The following CYRIB variants were observed in gnomAD, a reference collection of about 807,000 sequenced individuals.
The protein encoded by CYRIB is CYFIP related Rac1 interactor B.
In CYRIB, 8 loss-of-function variants were observed where a neutral mutation model predicts 44.2. The observed-to-expected ratio is 0.18, with a 90% CI of 0.11 to 0.33. The LOEUF (loss-of-function observed/expected upper bound fraction) is 0.33, where lower values mean the gene tolerates loss of function less well. Among genes scored for constraint, CYRIB ranks in the 10% least tolerant of loss-of-function variants. The probability of loss-of-function intolerance (pLI) is 1.00; values close to 1 mark genes in which losing one functional copy is unlikely to be tolerated. For synonymous variants in CYRIB, 131 were observed against 127.2 expected, an observed-to-expected ratio of 1.03 and a Z score of -0.20; for missense variants, 185 against 382.8, an observed-to-expected ratio of 0.48 and a Z score of 4.31.
At chr8:129,917,280 A>G (rs2081234390) in intron 1 of CYRIB, among the ~76,000 whole-genome samples, 1 of 152,192 alleles carries the variant, frequency 6.6e-6, no homozygotes, top group Non-Finnish European at 1.5e-5. Flanking sequence ...TAAGACCTGA[A>G]AAACCTGACC....
intron 7 of CYRIB, among the ~76,000 whole-genome samples, chr8:129,853,223 T>C (rs971591354): frequency 6.6e-6 from 1 of 152,148 alleles, no homozygotes; most frequent in African/African-American, 2.4e-5. Context: ...ATGGCAAGGA[T>C]GGGTATAGTA....
chr8:130,012,725 C>T (rs1473880450), intron 1 of CYRIB, among the ~76,000 whole-genome samples: 1 of 152,086 alleles, frequency 6.6e-6, no homozygotes, highest in East Asian at 1.9e-4. Flanking sequence ...GGCTGTAGGG[C>T]CCCAAAACCT....
intron 1 of CYRIB, among the ~76,000 whole-genome samples, chr8:129,933,149 A>G (rs945017271): frequency 9.9e-5 from 15 of 152,218 alleles, no homozygotes; most frequent in African/African-American, 3.1e-4. Context: ...AGCTTCAAGT[A>G]GACCAGAAAC....
At chr8:129,981,972 G>A (rs550193215) in intron 1 of CYRIB, among the ~76,000 whole-genome samples, 3 of 152,334 alleles carry the variant, frequency 2.0e-5, no homozygotes, top group Non-Finnish European at 2.9e-5. Context: ...AGAGTAACTC[G>A]AGTGGGCATT....
chr8:129,872,599 A>G (rs971227110), intron 3 of CYRIB, among the ~76,000 whole-genome samples: 7 of 152,100 alleles, frequency 4.6e-5, no homozygotes, highest in Non-Finnish European at 7.4e-5. Flanking sequence ...GGTAAGGCAT[A>G]AAGCACTTAA....
chr8:129,973,063 A>AT lies in CYRIB; in HGVS notation c.-295-2069dup, dbSNP rs559553852. 2.0e-3 allele frequency among the ~76,000 whole-genome samples: 299 copies of AT among 152,236 alleles called. 2 individuals are homozygous for AT. The highest frequency in any genetic ancestry group is 6.7e-3 in the African/African-American group (280 of 41,530). ...ACTGATCACCTATTGTGTGCCAAGC[A>AT]TTGTGGCCATGGAAATAATTCCATG... On this transcript the variant is annotated intron_variant, in intron 1 of 14. Transcript: ENST00000401979.
intron 1 of CYRIB, among the ~76,000 whole-genome samples, chr8:129,987,953 A>G (rs1458800541): frequency 6.6e-6 from 1 of 152,080 alleles, no homozygotes; most frequent in East Asian, 1.9e-4. Context: ...ACACCTTACA[A>G]AGCCACCATC....
chr8:129,902,806 T>C (rs1294128569), intron 2 of CYRIB, among the ~76,000 whole-genome samples: 3 of 152,208 alleles, frequency 2.0e-5, no homozygotes, highest in South Asian at 2.1e-4. Flanking sequence ...GGATTACAAA[T>C]GTTTCAGTAC....
chr8:129,861,228 T>G (rs2049297223), intron 5 of CYRIB, among the ~76,000 whole-genome samples: 1 of 152,154 alleles, frequency 6.6e-6, no homozygotes, highest in Non-Finnish European at 1.5e-5. Context: ...ATTTACAACT[T>G]TAAAATCAAA....
At chr8:129,971,359 C>A (rs914435156) in intron 1 of CYRIB, among the ~76,000 whole-genome samples, 96 of 152,282 alleles carry the variant, frequency 6.3e-4, no homozygotes, top group African/African-American at 1.9e-3. Context: ...TCCCAAAGTG[C>A]TGAATTACAG....
chr8:130,009,803 G>A (rs752891127), intron 1 of CYRIB, among the ~76,000 whole-genome samples: 5 of 152,192 alleles, frequency 3.3e-5, no homozygotes, highest in African/African-American at 4.8e-5. Context: ...CTTCATCAAT[G>A]ACAATTCTGG....
At chr8:129,913,737 G>A (rs2079263071) in intron 1 of CYRIB, among the ~76,000 whole-genome samples, 1 of 152,088 alleles carries the variant, frequency 6.6e-6, no homozygotes, top group African/African-American at 2.4e-5. Context: ...TCTCTCTCTA[G>A]TGGGGATAAT....
chr8:129,877,148 A>T (rs1336334803), intron 3 of CYRIB, among the ~76,000 whole-genome samples: 2 of 152,240 alleles, frequency 1.3e-5, no homozygotes, highest in African/African-American at 4.8e-5. Context: ...AATAAGAAAT[A>T]ACAATGGGTA....
intron 1 of CYRIB, among the ~76,000 whole-genome samples, chr8:130,003,252 C>G (rs1339880212): frequency 6.6e-6 from 1 of 152,192 alleles, no homozygotes. Context: ...AGCTAAAAAT[C>G]TTTATGCAAC....
At chr8:129,999,478 T>C (rs2133825977) in intron 1 of CYRIB, among the ~76,000 whole-genome samples, 2 of 152,284 alleles carry the variant, frequency 1.3e-5, no homozygotes, top group South Asian at 2.1e-4. Context: ...CCAGATGCAA[T>C]TGACACCCTC....
intron 1 of CYRIB, among the ~76,000 whole-genome samples, chr8:129,935,417 C>A (rs1405604149): frequency 1.3e-5 from 2 of 152,312 alleles, no homozygotes; most frequent in East Asian, 3.9e-4. Flanking sequence ...GCGTTAGATT[C>A]TCACATGGAG....
At chr8:129,918,174 C>T (rs548780654) in intron 1 of CYRIB, among the ~76,000 whole-genome samples, 1 of 152,234 alleles carries the variant, frequency 6.6e-6, no homozygotes, top group African/African-American at 2.4e-5. Context: ...ACCAAGCCTA[C>T]GGTACACCAT....
intron 5 of CYRIB, among the ~76,000 whole-genome samples, chr8:129,858,710 T>C (rs980886931): frequency 8.7e-5 from 9 of 103,574 alleles, no homozygotes; most frequent in Non-Finnish European, 1.7e-4. Context: ...GAAGCTAACA[T>C]GTTGAAGGGA....
chr8:129,871,570 T>C, intron 3 of CYRIB, 74 bp from the exon 6 acceptor site: 1 of 1,482,804 alleles, frequency 6.7e-7, no homozygotes, highest in South Asian at 1.3e-5. Flanking sequence ...CTCTAAGCAA[T>C]TAACAACCCA....
Sources: allele counts gnomAD v4.1 joint callset (sites outside exome capture counted in the v4.1 genomes callset), GRCh38; gene constraint gnomAD v4.1.1; transcripts MANE v1.5; gene names NCBI Gene and HGNC (gene_info 2026-07-23, HGNC 2026-07-21).